Variants in ARMH1 observed in about 807,000 individuals in gnomAD.
ARMH1 encodes armadillo like helical domain containing 1.
A neutral mutation model predicts 50.2 loss-of-function variants in ARMH1; 34 were observed. The ratio of observed to expected loss-of-function variants is 0.68; its 90% CI spans 0.51 to 0.90. The LOEUF is 0.90. ARMH1 is among the 40% of genes least tolerant of loss of function. The probability of loss-of-function intolerance (pLI) is 0.00; values close to 1 mark genes in which losing one functional copy is unlikely to be tolerated. For synonymous variants in ARMH1, 221 were observed against 224.2 expected, an observed-to-expected ratio of 0.99 and a Z score of 0.13; for missense variants, 538 against 553.9, an observed-to-expected ratio of 0.97 and a Z score of 0.29.
chr1:44,703,677 G>A (rs946358866), intron 5 of ARMH1, among the ~76,000 whole-genome samples: 1 of 149,374 alleles, frequency 6.7e-6, no homozygotes, highest in African/African-American at 2.4e-5. Flanking sequence ...GCAGTGAGCC[G>A]AGATCGCGCC....
intron 5 of ARMH1, among the ~76,000 whole-genome samples, chr1:44,703,811 C>G (rs1573394029): frequency 6.6e-6 from 1 of 150,740 alleles, no homozygotes. Flanking sequence ...ACTGCAAGCT[C>G]TGCCTCCCGG....
At chr1:44,703,022 G>T (rs1646161470) in intron 5 of ARMH1, among the ~76,000 whole-genome samples, 1 of 152,160 alleles carries the variant, frequency 6.6e-6, no homozygotes, top group Non-Finnish European at 1.5e-5. Context: ...AAGAGCAATA[G>T]CAAAGGAGAA....
intron 6 of ARMH1, among the ~76,000 whole-genome samples, chr1:44,723,287 AG>A (rs1288167937): frequency 6.6e-6 from 1 of 152,082 alleles, no homozygotes; most frequent in Admixed American, 6.6e-5. Flanking sequence ...ACGCTTAAGG[AG>A]GGTTGGTCGA....
At chr1:44,700,074 C>G (rs1645997942) in intron 4 of ARMH1, among the ~76,000 whole-genome samples, 1 of 152,108 alleles carries the variant, frequency 6.6e-6, no homozygotes, top group African/African-American at 2.4e-5. Flanking sequence ...AAGCCATCCA[C>G]CTGCCTTGGC....
At chr1:44,703,953 C>G (rs1223133395) in intron 5 of ARMH1, 136 bp from the exon 6 acceptor site, 1 of 614,702 alleles carries the variant, frequency 1.6e-6, no homozygotes, top group Non-Finnish European at 2.9e-6. Context: ...GTCTGGATCT[C>G]CTGACCTCGT....
At chr1:44,705,612 GT>G (rs1646308524) in intron 6 of ARMH1, among the ~76,000 whole-genome samples, 1 of 152,144 alleles carries the variant, frequency 6.6e-6, no homozygotes, top group African/African-American at 2.4e-5. Context: ...GTATTTTTAT[GT>G]TTTTCAAGAT....
At chr1:44,720,795 G>A (rs1366584859) in intron 6 of ARMH1, among the ~76,000 whole-genome samples, 2 of 152,114 alleles carry the variant, frequency 1.3e-5, no homozygotes, top group Admixed American at 6.6e-5. Context: ...CAGCACTTTC[G>A]GAGGCCAAGG....
At chr1:44,699,704 G>A (rs561525656) in intron 4 of ARMH1, among the ~76,000 whole-genome samples, 11 of 152,014 alleles carry the variant, frequency 7.2e-5, no homozygotes, top group South Asian at 2.1e-4. Flanking sequence ...CACCCACCTC[G>A]GCCTCCCAAA....
In ARMH1 at chr1:44,724,973, C is replaced by T; in HGVS notation, c.1128+134C>T. The T allele has an allele frequency of 1.3e-6, 2 of 1,500,100 alleles. No homozygotes were observed. The highest frequency in any genetic ancestry group is 1.8e-6 in the Non-Finnish European group (2 of 1,121,846). 92.9% of individuals were successfully genotyped at this position (1,500,100 alleles called of 1,614,324 possible). On this transcript the variant is annotated intron_variant, in intron 10 of 11. Coordinates refer to ENST00000535358, the MANE Select transcript of ARMH1 (RefSeq NM_001145636.2). The surrounding 1 kb of genome is among the most constrained non-coding windows in gnomAD (Gnocchi z 6.4). The stretch of plus-strand genomic sequence containing the variant: ...TGGCCACCAGCTGCAGGAGGGACTG[C>T]TCTGGCGTAGGCTCCTCCACCCGCC...
Position 44,690,045 on chromosome 1 carries a change from C to T in ARMH1, c.206+142C>T, listed in dbSNP as rs995206416. On this transcript the variant is annotated intron_variant, in intron 2 of 11. Transcript: ENST00000535358. ...CCAGCCTAACCAACATGGTGAAACC[C>T]TGTCTCTACTAAAAATACAAAAATT... The T allele has an allele frequency of 4.3e-6, 3 of 702,436 alleles. No individual in the cohort carries two copies. The African/African-American group carries it at 5.4e-5, about 13-fold the overall frequency. The allele number at this position is 702,436 out of a possible 1,614,324, so 43.5% of individuals were successfully genotyped here.
At chr1:44,691,463 T>C (rs1456537819) in intron 2 of ARMH1, among the ~76,000 whole-genome samples, 2 of 152,076 alleles carry the variant, frequency 1.3e-5, no homozygotes, top group African/African-American at 2.4e-5. Flanking sequence ...CTCAGTGGCA[T>C]TTGTCAATCA....
chr1:44,695,698 G>A (rs1645802280), intron 2 of ARMH1, among the ~76,000 whole-genome samples: 2 of 152,234 alleles, frequency 1.3e-5, no homozygotes, highest in African/African-American at 4.8e-5. Flanking sequence ...CCAACACTTT[G>A]GAAGGCTGAA....
At chr1:44,677,930 C>T (rs1286755625) in intron 1 of ARMH1, among the ~76,000 whole-genome samples, 1 of 152,102 alleles carries the variant, frequency 6.6e-6, no homozygotes, top group Non-Finnish European at 1.5e-5. Context: ...CCTCCTAAAC[C>T]TGAAATCCTG....
intron 6 of ARMH1, among the ~76,000 whole-genome samples, chr1:44,721,032 A>G (rs143376673): frequency 6.8e-4 from 104 of 152,146 alleles, no homozygotes; most frequent in Middle Eastern, 3.4e-3. Flanking sequence ...GTGAAACTCC[A>G]TCTCAAAACA....
chr1:44,675,517 G>C, intron 1 of ARMH1, among the ~76,000 whole-genome samples: 1 of 152,018 alleles, frequency 6.6e-6, no homozygotes, highest in East Asian at 1.9e-4. Context: ...TTAAAAATTA[G>C]CCAGGCATGG....
At chr1:44,697,941 A>G (rs1267341410) in intron 3 of ARMH1, 122 bp from the exon 4 acceptor site, 5 of 649,382 alleles carry the variant, frequency 7.7e-6, no homozygotes, top group Admixed American at 6.5e-5. Context: ...CACTTTACCT[A>G]TGGACATTTC....
At chr1:44,684,005 C>T (rs1280532270) in intron 1 of ARMH1, among the ~76,000 whole-genome samples, 3 of 150,550 alleles carry the variant, frequency 2.0e-5, no homozygotes, top group African/African-American at 7.3e-5. Context: ...AAAACAACCA[C>T]AGAGAGAGAG....
intron 1 of ARMH1, among the ~76,000 whole-genome samples, chr1:44,688,938 G>A (rs148365612): frequency 2.6e-5 from 4 of 152,260 alleles, no homozygotes; most frequent in African/African-American, 7.2e-5. Context: ...CAAGGTTAAG[G>A]AGCACTTTAA....
intron 6 of ARMH1, among the ~76,000 whole-genome samples, chr1:44,713,464 C>G (rs1303472285): frequency 6.6e-6 from 1 of 152,104 alleles, no homozygotes; most frequent in Non-Finnish European, 1.5e-5. Flanking sequence ...AAGAGGCCAC[C>G]TGTCCTGTAC....
Sources: allele counts gnomAD v4.1 joint callset (sites outside exome capture counted in the v4.1 genomes callset), GRCh38; gene constraint gnomAD v4.1.1; non-coding constraint Gnocchi (gnomAD v3.1); transcripts MANE v1.5; gene names NCBI Gene and HGNC (gene_info 2026-07-23, HGNC 2026-07-21).